CBLB: variants seen among roughly 807,000 people sequenced by gnomAD.
CBLB encodes E3 ubiquitin-protein ligase CBL-B.
CBLB carries 31 observed loss-of-function variants against 104.9 expected under a neutral mutation model. The ratio of observed to expected loss-of-function variants is 0.30; its 90% confidence interval spans 0.22 to 0.40. The LOEUF (loss-of-function observed/expected upper bound fraction) is 0.40. Ranked by LOEUF, CBLB falls within the 10% of genes least tolerant of loss-of-function variation. CBLB has a pLI of 1.00. For synonymous variants in CBLB, 440 were observed against 422.6 expected (o/e 1.04, Z -0.51); for missense variants, 1,062 against 1,214.6 (o/e 0.87, Z 1.87).
At chr3:105,835,124 T>C (rs1044308272) in intron 3 of CBLB, among the ~76,000 whole-genome samples, 3 of 152,228 alleles carry the variant, frequency 2.0e-5, no homozygotes, top group African/African-American at 7.2e-5. Flanking sequence ...TTCCAGGTTC[T>C]TGAGGATTCT....
Position 105,785,811 on chromosome 3 carries a change from G to T in CBLB, c.420-9269C>A, listed in dbSNP as rs536461068. 2.0e-5 allele frequency among the ~76,000 whole-genome samples: 3 copies of T among 152,186 alleles called. No individual in the cohort carries two copies. In the South Asian group the frequency reaches 6.2e-4, roughly 32 times the overall value. On this transcript the variant is annotated intron_variant, in intron 3 of 18. Transcript: ENST00000394030. The stretch of plus-strand genomic sequence containing the variant: ...TTAAAATTATCTTTATTCAGTATGT[G>T]CAAATATAAAGATAAAAACAAACAC...
intron 3 of CBLB, among the ~76,000 whole-genome samples, chr3:105,804,049 C>T (rs2083212357): frequency 6.6e-6 from 1 of 152,152 alleles, no homozygotes. Context: ...AACTGCCTAG[C>T]TTCAACATTT....
At chr3:105,774,913 TACC>T (rs2079275249) in intron 4 of CBLB, among the ~76,000 whole-genome samples, 2 of 152,188 alleles carry the variant, frequency 1.3e-5, no homozygotes, top group African/African-American at 4.8e-5. Flanking sequence ...TTTTGAAGGT[TACC>T]GACTGTTTGA....
intron 2 of CBLB, among the ~76,000 whole-genome samples, chr3:105,865,345 G>T (rs1025544263): frequency 6.6e-6 from 1 of 151,846 alleles, no homozygotes; most frequent in Non-Finnish European, 1.5e-5. Flanking sequence ...AAAGCCCCTG[G>T]GTACATTCAC....
intron 4 of CBLB, among the ~76,000 whole-genome samples, chr3:105,756,226 G>C (rs943356953): frequency 6.6e-6 from 1 of 151,968 alleles, no homozygotes; most frequent in Non-Finnish European, 1.5e-5. Context: ...TTTATATGTA[G>C]AAAATACAAA....
intron 4 of CBLB, among the ~76,000 whole-genome samples, chr3:105,771,592 C>A (rs2078880192): frequency 6.6e-6 from 1 of 152,080 alleles, no homozygotes; most frequent in East Asian, 1.9e-4. Context: ...GGAAGTCGAA[C>A]TGTCATCATT....
At chr3:105,776,962 T>C (rs2079553049) in intron 3 of CBLB, among the ~76,000 whole-genome samples, 1 of 152,146 alleles carries the variant, frequency 6.6e-6, no homozygotes, top group African/African-American at 2.4e-5. Flanking sequence ...AACTCATTGT[T>C]TGACAGATAA....
intron 3 of CBLB, among the ~76,000 whole-genome samples, chr3:105,836,539 C>T (rs2088537585): frequency 6.6e-6 from 1 of 152,092 alleles, no homozygotes; most frequent in Non-Finnish European, 1.5e-5. Context: ...GGGTTTTGAC[C>T]TCCAGAGTTA....
chr3:105,744,708 G>T (rs1273686840), intron 6 of CBLB, among the ~76,000 whole-genome samples: 1 of 151,974 alleles, frequency 6.6e-6, no homozygotes, highest in African/African-American at 2.4e-5. Context: ...AAGGTGGGCA[G>T]ATCACGAGGT....
chr3:105,838,918 C>T (rs1352873129), intron 3 of CBLB, among the ~76,000 whole-genome samples: 2 of 152,128 alleles, frequency 1.3e-5, no homozygotes, highest in African/African-American at 2.4e-5. Context: ...GCCCGGCCCC[C>T]TCTTCTAAGT....
At chr3:105,794,124 G>T in intron 3 of CBLB, among the ~76,000 whole-genome samples, 1 of 152,052 alleles carries the variant, frequency 6.6e-6, no homozygotes, top group Non-Finnish European at 1.5e-5. Context: ...AAAATACAAA[G>T]ATTTATTTGG....
intron 3 of CBLB, among the ~76,000 whole-genome samples, chr3:105,777,332 C>T (rs9814582): frequency 0.17 from 26,172 of 152,086 alleles, 2,631 homozygotes; most frequent in Admixed American, 0.28. Context: ...TTAAGAGGTA[C>T]TGCTATAAGA....
intron 18 of CBLB, among the ~76,000 whole-genome samples, chr3:105,669,983 G>T (rs1198852236): frequency 6.6e-6 from 1 of 152,028 alleles, no homozygotes; most frequent in Non-Finnish European, 1.5e-5. Context: ...AATACATTTT[G>T]AATCAAAGAA....
intron 14 of CBLB, 73 bp from the exon 15 acceptor site, chr3:105,681,891 G>A (rs2066364557): frequency 2.3e-6 from 2 of 863,322 alleles, no homozygotes; most frequent in African/African-American, 1.7e-5. Context: ...GAGGTAGAGG[G>A]AACTAGTATT....
chr3:105,834,644 A>C (rs1034450648), intron 3 of CBLB, among the ~76,000 whole-genome samples: 1 of 131,560 alleles, frequency 7.6e-6, no homozygotes, highest in Non-Finnish European at 1.6e-5. Flanking sequence ...CGACAGAGCA[A>C]AACTCCATCT....
intron 12 of CBLB, among the ~76,000 whole-genome samples, chr3:105,693,921 T>C (rs2068026897): frequency 6.6e-6 from 1 of 152,046 alleles, no homozygotes; most frequent in Non-Finnish European, 1.5e-5. Flanking sequence ...ATTGAAAAGT[T>C]AGCATTCTCT....
intron 3 of CBLB, among the ~76,000 whole-genome samples, chr3:105,802,534 G>A (rs898954792): frequency 6.6e-6 from 1 of 152,160 alleles, no homozygotes; most frequent in Non-Finnish European, 1.5e-5. Flanking sequence ...CACCAATGAA[G>A]GTCCCACGGG....
intron 4 of CBLB, among the ~76,000 whole-genome samples, chr3:105,767,528 C>T (rs2078354959): frequency 6.8e-6 from 1 of 147,996 alleles, no homozygotes; most frequent in Non-Finnish European, 1.5e-5. Context: ...TCGGGATACA[C>T]ATAAAATAAT....
chr3:105,868,750 G>A lies in CBLB; in HGVS notation c.-29C>T. On this transcript the variant is annotated 5_prime_UTR_variant, in exon 1 of 19. Coordinates refer to ENST00000394030, the MANE Select transcript of CBLB (RefSeq NM_170662.5). ...TCCCTTCTTGCCTTTCGGCGCCGTA[G>A]CTGTCCAGAGACACGCGTGTGCGCG... 1 of 989,106 alleles carries A rather than the reference G, an allele frequency of 1.0e-6. No homozygotes were observed. Among genetic ancestry groups the A allele is most frequent in the Non-Finnish European group, 1.2e-6 (1 of 832,016 alleles). The allele number at this position is 989,106 out of a possible 1,614,324, so 61.3% of individuals were successfully genotyped here. A position where few individuals can be genotyped will look rare whatever the true frequency, so the allele number is the denominator to read the frequency against.
Sources: gnomAD v4.1 joint callset for allele counts (sites outside exome capture counted in the v4.1 genomes callset) on GRCh38, gnomAD v4.1.1 for gene constraint, MANE v1.5 for transcripts, NCBI Gene and HGNC (gene_info 2026-07-23, HGNC 2026-07-21) for gene names.